Variants in SP3 observed in about 807,000 individuals in gnomAD.
The protein encoded by SP3 is transcription factor Sp3.
Under a neutral mutation model 70.3 loss-of-function variants are expected in SP3, and 10 were observed. That is an observed-to-expected ratio of 0.14 (90% CI 0.09 to 0.24). The LOEUF (loss-of-function observed/expected upper bound fraction) is 0.24. Among genes scored for constraint, SP3 ranks in the 10% least tolerant of loss-of-function variants. The probability of loss-of-function intolerance (pLI) is 1.00; values close to 1 mark genes in which losing one functional copy is unlikely to be tolerated. For synonymous variants in SP3, 402 were observed against 333.5 expected (o/e 1.21, Z -2.24); for missense variants, 825 against 914.6 (o/e 0.90, Z 1.26).
rs1376086878 is a variant in SP3 at position 173,902,445 on chromosome 2, A to C, written c.*7496T>G. ...TATCTGGTGAAACTGAAGATTAAGAATATCCTGTTGGCCAGTGATTCAAGT... is the reference window on the plus strand; with the variant it reads ...TATCTGGTGAAACTGAAGATTAAGACTATCCTGTTGGCCAGTGATTCAAGT... On this transcript the variant is annotated 3_prime_UTR_variant, in exon 7 of 7. Transcript: ENST00000310015. Among the ~76,000 whole-genome samples, 1 of 152,220 alleles carries C rather than the reference A, an allele frequency of 6.6e-6. No homozygotes were observed. Among genetic ancestry groups the C allele is most frequent in the Non-Finnish European group, 1.5e-5 (1 of 68,028 alleles).
chr2:173,911,206 A>C (rs74950660), intron 6 of SP3, among the ~76,000 whole-genome samples: 1 of 152,188 alleles, frequency 6.6e-6, no homozygotes, highest in Non-Finnish European at 1.5e-5. Flanking sequence ...ATTACATCAG[A>C]AAACTTCAAG....
chr2:173,965,493 T>G, upstream of SP3: 2 of 310,840 alleles, frequency 6.4e-6, no homozygotes, highest in African/African-American at 2.2e-5. Context: ...GCTTCCTGTT[T>G]GCCCCCGGGT....
At chr2:173,919,603 A>C (rs1689693376) in intron 4 of SP3, among the ~76,000 whole-genome samples, 2 of 152,228 alleles carry the variant, frequency 1.3e-5, no homozygotes, top group Non-Finnish European at 2.9e-5. Flanking sequence ...AAAGTAAGAA[A>C]AGGTATTCAA....
chr2:173,963,773 G>C lies in SP3; in HGVS notation c.267C>G (p.Ala89=). Residue 89 remains alanine (A), a synonymous_variant, in exon 3 of 7, where the codon GCC becomes GCG. Transcript: ENST00000310015. ...EEAAAAAGAP[A]AAGATGDLAS... ...GCGCGGGACTTACCGCTCCGGCGGC[G>C]GCGGGGGCCCCGGCTGCGGCGGCCG... 1 of 1,320,750 alleles carries C rather than the reference G, an allele frequency of 7.6e-7. No individual in the cohort carries two copies. The highest frequency in any genetic ancestry group is 1.6e-5 in the South Asian group (1 of 63,620). The allele number at this position is 1,320,750 out of a possible 1,614,324, so 81.8% of individuals were successfully genotyped here.
chr2:173,962,158 T>C (rs994289588), intron 3 of SP3, among the ~76,000 whole-genome samples: 7 of 152,168 alleles, frequency 4.6e-5, no homozygotes, highest in East Asian at 1.9e-4. Context: ...CTGGCTAAGG[T>C]TGGAGACAGT....
intron 4 of SP3, among the ~76,000 whole-genome samples, chr2:173,944,059 C>G (rs59012940): frequency 0.016 from 2,479 of 152,328 alleles, 74 homozygotes; most frequent in African/African-American, 0.057. Context: ...GGACCACCAT[C>G]ATATATGTGG....
intron 4 of SP3, among the ~76,000 whole-genome samples, chr2:173,947,749 T>C (rs1164699084): frequency 1.3e-5 from 2 of 152,222 alleles, no homozygotes; most frequent in African/African-American, 2.4e-5. Context: ...CTTCATGTAT[T>C]TTGGAATTTA....
Position 173,955,024 on chromosome 2 carries a change from T to A in SP3, c.1488A>T (p.Thr496=). The A allele has an allele frequency of 6.2e-7, 1 of 1,614,152 alleles. No homozygotes were observed. Among genetic ancestry groups the A allele is most frequent in the Non-Finnish European group, 8.5e-7 (1 of 1,180,018 alleles). The change falls in exon 4 of 7, where the codon ACA becomes ACT. Residue 496 remains threonine (T), a synonymous_variant. Coordinates refer to ENST00000310015, the MANE Select transcript of SP3 (RefSeq NM_003111.5). ...QITLTPVQTL[T]LGQVAAGGAF... ...CTCCACCTGCCGCAACTTGACCAAG[T>A]GTGAGGGTTTGAACAGGCGTCAAAG...
rs772816470 is a variant in SP3, at chr2:173,910,135, A to G, written c.2152T>C (p.Ser718Pro). The G allele has an allele frequency of 6.2e-7, 1 of 1,612,530 alleles. No individual in the cohort carries two copies. Among genetic ancestry groups the G allele is most frequent in the East Asian group, 2.2e-5 (1 of 44,830 alleles). The change falls in exon 7 of 7, where the codon TCT becomes CCT. Residue 718 changes from serine to proline, a missense_variant. Coordinates refer to ENST00000310015, the MANE Select transcript of SP3 (RefSeq NM_003111.5). Reference sequence around the variant, plus strand: ...GTATCATCTCGCGCAGCTTCCACAGATGCCAGCACTGTACTGCTAGAGTGA... The same window carrying G: ...GTATCATCTCGCGCAGCTTCCACAGGTGCCAGCACTGTACTGCTAGAGTGA... ...GIHSSSTVLA[S>P]VEAARDDTLI...
chr2:173,942,990 G>C (rs936133966), intron 4 of SP3, among the ~76,000 whole-genome samples: 1 of 152,084 alleles, frequency 6.6e-6, no homozygotes, highest in African/African-American at 2.4e-5. Flanking sequence ...ATGTGTGTAG[G>C]TTATATGCAA....
rs141138191 is a variant in SP3, at chr2:173,955,438, T to C, written c.1074A>G (p.Thr358=). Reference sequence around the variant, plus strand: ...CTGAAGAATGAACCTGCCCACTAGATGTAGTCAAGCTATTTGTGTTTTGTT... The same window carrying C: ...CTGAAGAATGAACCTGCCCACTAGACGTAGTCAAGCTATTTGTGTTTTGTT... ...ILQQNTNSLT[T]SSGQVHSSDL... The change falls in exon 4 of 7, where the codon ACA becomes ACG. Residue 358 remains threonine (T), a synonymous_variant. Coordinates refer to ENST00000310015, the MANE Select transcript of SP3 (RefSeq NM_003111.5). 7 of 1,614,014 alleles carry C rather than the reference T, an allele frequency of 4.3e-6. No individual in the cohort carries two copies. The highest frequency in any genetic ancestry group is 2.2e-5 in the South Asian group (2 of 91,076).
At chr2:173,957,574 AG>A (rs1271743271) in intron 3 of SP3, among the ~76,000 whole-genome samples, 1 of 152,188 alleles carries the variant, frequency 6.6e-6, no homozygotes, top group East Asian at 1.9e-4. Context: ...ATATTCATAG[AG>A]GAAAGTAATG....
intron 5 of SP3, chr2:173,915,232 AAGAAAAAACAT>A (rs1276829780): frequency 1.3e-4 from 20 of 152,176 alleles, no homozygotes; most frequent in African/African-American, 4.1e-4. Flanking sequence ...GCATCTAGGA[AAGAAAAAACAT>A]AGGGGCGGGG....
chr2:173,925,399 G>A (rs1041570431), intron 4 of SP3, among the ~76,000 whole-genome samples: 5 of 152,134 alleles, frequency 3.3e-5, no homozygotes, highest in African/African-American at 1.2e-4. Context: ...AAGAAAAAAG[G>A]TAGTTGCCAA....
At chr2:173,935,348 C>T (rs1690178489) in intron 4 of SP3, among the ~76,000 whole-genome samples, 1 of 152,140 alleles carries the variant, frequency 6.6e-6, no homozygotes, top group Non-Finnish European at 1.5e-5. Context: ...CTAGAACTGA[C>T]AGACAATCCA....
In SP3 at chr2:173,941,381, G is replaced by A. The variant is rs376723650; in HGVS notation, c.1639+13492C>T. Among the ~76,000 whole-genome samples, 24 of 152,332 alleles carry A rather than the reference G, an allele frequency of 1.6e-4. No homozygotes were observed. In the East Asian group the frequency reaches 1.7e-3, roughly 11 times the overall value. On this transcript the variant is annotated intron_variant, in intron 4 of 6. Coordinates refer to ENST00000310015, the MANE Select transcript of SP3 (RefSeq NM_003111.5). ...CCAGCACTTTGGGAGGCTAAGGCAGGTGGATAACGTGAGACCAGGAGTTCG... is the reference window on the plus strand; with the variant it reads ...CCAGCACTTTGGGAGGCTAAGGCAGATGGATAACGTGAGACCAGGAGTTCG...
At chr2:173,956,602 T>C (rs1690901240) in intron 3 of SP3, among the ~76,000 whole-genome samples, 1 of 152,194 alleles carries the variant, frequency 6.6e-6, no homozygotes, top group Non-Finnish European at 1.5e-5. Context: ...AAAGGAAACA[T>C]AAGCATAGTG....
intron 5 of SP3, among the ~76,000 whole-genome samples, chr2:173,917,091 C>T (rs1689634321): frequency 6.6e-6 from 1 of 151,910 alleles, no homozygotes; most frequent in Admixed American, 6.6e-5. Context: ...TTTTAAATGT[C>T]CTATGTGTCT....
intron 4 of SP3, among the ~76,000 whole-genome samples, chr2:173,923,488 C>A (rs1226493650): frequency 6.6e-6 from 1 of 152,182 alleles, no homozygotes; most frequent in East Asian, 1.9e-4. Context: ...ATCCTAAATA[C>A]CTCTTCCTAA....
Sources: allele counts gnomAD v4.1 joint callset (sites outside exome capture counted in the v4.1 genomes callset), GRCh38; gene constraint gnomAD v4.1.1; transcripts MANE v1.5; gene names NCBI Gene and HGNC (gene_info 2026-07-23, HGNC 2026-07-21).